SIMC1: variants seen among roughly 807,000 people sequenced by gnomAD.
SIMC1 encodes the protein SUMO-interacting motif-containing protein 1.
SIMC1 carries 55 observed loss-of-function variants against 82.3 expected under a neutral mutation model. The ratio of observed to expected loss-of-function variants is 0.67; its 90% CI spans 0.54 to 0.84. The LOEUF is 0.84. SIMC1 is among the 40% of genes least tolerant of loss of function. SIMC1 has a pLI of 0.00. For missense variants in SIMC1, 915 were observed against 1,107.2 expected (o/e 0.83, Z 2.46); for synonymous variants, 353 against 426.3 (o/e 0.83, Z 2.12).
At chr5:176,267,460 C>A (rs1250191089) in intron 1 of SIMC1, among the ~76,000 whole-genome samples, 2 of 31,966 alleles carry the variant, frequency 6.3e-5, no homozygotes, top group Admixed American at 7.0e-4. Context: ...GGAAATGACA[C>A]CTAAATGGAT....
intron 9 of SIMC1, among the ~76,000 whole-genome samples, chr5:176,343,863 G>A (rs1766271162): frequency 6.6e-6 from 1 of 151,856 alleles, no homozygotes; most frequent in Non-Finnish European, 1.5e-5. Context: ...GTGTGATCTT[G>A]GCTCACTACA....
At position 176,290,677 on chromosome 5, in the gene SIMC1, A is replaced by C. The variant is rs140217536; in HGVS notation, c.1153A>C (p.Met385Leu). 106 of 1,613,860 alleles carry C rather than the reference A, an allele frequency of 6.6e-5. No individual in the cohort carries two copies. Among genetic ancestry groups the C allele is most frequent in the Non-Finnish European group, 8.5e-5 (100 of 1,179,900 alleles). The change falls in exon 2 of 10, where the codon ATG becomes CTG. Residue 385 changes from methionine to leucine, a missense_variant. Coordinates refer to ENST00000429602, the MANE Select transcript of SIMC1 (RefSeq NM_001308195.2). Reference sequence around the variant, plus strand: ...TGATGTACAGAACCGTGACATGCCTATGGATATCTCAGCTCTGTCCTCTCC... The same window carrying C: ...TGATGTACAGAACCGTGACATGCCTCTGGATATCTCAGCTCTGTCCTCTCC... Reference protein sequence around the residue: ...QNDVQNRDMPMDISALSSPSC... With the variant: ...QNDVQNRDMPLDISALSSPSC...
At chr5:176,325,787 G>C (rs1356158847) in intron 7 of SIMC1, among the ~76,000 whole-genome samples, 1 of 151,986 alleles carries the variant, frequency 6.6e-6, no homozygotes, top group Non-Finnish European at 1.5e-5. Flanking sequence ...TTATCCATAG[G>C]CCTGGCATAA....
intron 7 of SIMC1, among the ~76,000 whole-genome samples, chr5:176,332,786 C>T (rs1333626675): frequency 2.0e-5 from 3 of 151,866 alleles, no homozygotes; most frequent in Non-Finnish European, 4.4e-5. Context: ...AATCTTTTTC[C>T]AATTTCCCCC....
chr5:176,270,357 TTAA>T (rs1187197052), intron 1 of SIMC1: 1 of 152,092 alleles, frequency 6.6e-6, no homozygotes, highest in Non-Finnish European at 1.5e-5. Context: ...AGAATTATAC[TTAA>T]TGATGGAAAT....
At position 176,295,119 on chromosome 5, in the gene SIMC1, G is replaced by A. The variant is rs768329663; in HGVS notation, c.1521G>A (p.Val507=). The change falls in exon 3 of 10, where the codon GTG becomes GTA. Residue 507 remains valine, a synonymous_variant. Coordinates refer to ENST00000429602, the MANE Select transcript of SIMC1 (RefSeq NM_001308195.2). ...TIEENFPLGT[V]QFLMDFVSPQ... ...AAGAGAATTTTCCTCTGGGGACTGT[G>A]CAGTTTTTGATGGACTTTGTGTCAC... is the stretch of plus-strand genomic sequence containing the variant. The A allele has an allele frequency of 1.9e-6, 3 of 1,613,534 alleles. No homozygotes were observed. The highest frequency in any genetic ancestry group is 2.5e-6 in the Non-Finnish European group (3 of 1,179,704).
chr5:176,314,151 C>T (rs1374399708), intron 5 of SIMC1, among the ~76,000 whole-genome samples: 1 of 152,130 alleles, frequency 6.6e-6, no homozygotes, highest in Non-Finnish European at 1.5e-5. Context: ...CCTGTAATTC[C>T]AGCTACTTGG....
At chr5:176,324,593 C>T in intron 6 of SIMC1, 36 bp from the exon 7 acceptor site, 1 of 1,602,980 alleles carries the variant, frequency 6.2e-7, no homozygotes, top group African/African-American at 1.3e-5. Context: ...CTTGCCAGAC[C>T]CTCACACTCA....
chr5:176,319,530 A>AAAT (rs1180685525), intron 5 of SIMC1, among the ~76,000 whole-genome samples: 1 of 152,106 alleles, frequency 6.6e-6, no homozygotes. Context: ...CATCTCTAAA[A>AAAT]AATAATAATA....
chr5:176,282,925 T>G (rs538782378), intron 1 of SIMC1, among the ~76,000 whole-genome samples: 1 of 152,270 alleles, frequency 6.6e-6, no homozygotes, highest in South Asian at 2.1e-4. Flanking sequence ...AGGGTATCAG[T>G]GATTGAAGAT....
At chr5:176,246,770 C>G (rs940285215) in intron 1 of SIMC1, among the ~76,000 whole-genome samples, 4 of 151,936 alleles carry the variant, frequency 2.6e-5, no homozygotes, top group Non-Finnish European at 5.9e-5. Context: ...GCCCCCCACC[C>G]CCCAACAGGC....
chr5:176,337,633 A>C (rs1765964120), intron 9 of SIMC1, among the ~76,000 whole-genome samples: 1 of 152,188 alleles, frequency 6.6e-6, no homozygotes, highest in Non-Finnish European at 1.5e-5. Context: ...AGAACCTGAG[A>C]AGGACTCAGG....
chr5:176,337,217 C>T (rs1472495143), intron 9 of SIMC1, 71 bp downstream of exon 9: 1 of 1,233,308 alleles, frequency 8.1e-7, no homozygotes, highest in East Asian at 2.3e-5. Flanking sequence ...CATAACTACA[C>T]AGGATATTCT....
intron 2 of SIMC1, among the ~76,000 whole-genome samples, chr5:176,292,146 C>T (rs1420669481): frequency 6.6e-6 from 1 of 152,160 alleles, no homozygotes. Context: ...GATAATAATA[C>T]TCTATCACTT....
At chr5:176,291,580 C>T (rs1763577127) in intron 2 of SIMC1, among the ~76,000 whole-genome samples, 1 of 152,026 alleles carries the variant, frequency 6.6e-6, no homozygotes, top group Non-Finnish European at 1.5e-5. Context: ...TCGTGATCCA[C>T]CCGCCTCGGC....
chr5:176,296,213 A>G (rs1763808397), intron 3 of SIMC1, 38 bp from the exon 4 acceptor site: 1 of 1,595,518 alleles, frequency 6.3e-7, no homozygotes, highest in Non-Finnish European at 8.5e-7. Flanking sequence ...CTTCCGCTAA[A>G]TTCTCCATAA....
Position 176,322,331 on chromosome 5 carries a change from A to G in SIMC1, c.1948A>G (p.Asn650Asp), listed in dbSNP as rs769023165. 1.6e-5 allele frequency: 25 copies of G among 1,591,296 alleles called. No individual in the cohort carries two copies. In the African/African-American group the frequency reaches 1.6e-4, roughly 10 times the overall value. Residue 650 changes from asparagine to aspartate, a missense_variant, in exon 6 of 10, where the codon AAT becomes GAT. Physicochemically the swap from Asn to Asp is conservative, Grantham distance 23 (BLOSUM62 1). Transcript: ENST00000429602. Reference protein sequence around the residue: ...VTEDGLTQPPNGNQTSSGTGI... With the variant: ...VTEDGLTQPPDGNQTSSGTGI... ...TGAAGATGGATTGACTCAGCCCCCA[A>G]ATGGAAATCAAACGTCTTCAGGAAC...
rs545373831 is a variant in SIMC1 at position 176,251,415 on chromosome 5, C to T, written c.129+12778C>T. Among the ~76,000 whole-genome samples the T allele has an allele frequency of 6.6e-5, 10 of 152,154 alleles. No homozygotes were observed. The East Asian group carries it at 1.2e-3, about 18-fold the overall frequency. On this transcript the variant is annotated intron_variant, in intron 1 of 9. Coordinates refer to ENST00000429602, the MANE Select transcript of SIMC1 (RefSeq NM_001308195.2). ...GGTATGTTTTTGCAGTGGCTGGTAC[C>T]GGTTTTTCCTTTCCATATTTAGTGC...
intron 9 of SIMC1, among the ~76,000 whole-genome samples, chr5:176,339,931 G>A (rs1009168998): frequency 6.6e-6 from 1 of 152,146 alleles, no homozygotes; most frequent in Non-Finnish European, 1.5e-5. Flanking sequence ...AGGGCCCTTC[G>A]TCTCATCTCT....
Sources: gnomAD v4.1 joint callset for allele counts (sites outside exome capture counted in the v4.1 genomes callset) on GRCh38, gnomAD v4.1.1 for gene constraint, MANE v1.5 for transcripts, NCBI Gene and HGNC (gene_info 2026-07-23, HGNC 2026-07-21) for gene names.